ROBO1: variants seen among roughly 807,000 people sequenced by gnomAD.
ROBO1 encodes the protein roundabout guidance receptor 1.
ROBO1 carries 149 observed loss-of-function variants against 195.9 expected under a neutral mutation model. That is an observed-to-expected ratio of 0.76 (90% CI 0.67 to 0.87). The LOEUF is 0.87. Among genes scored for constraint, ROBO1 ranks in the 40% least tolerant of loss-of-function variants. The pLI is 0.00. For synonymous variants in ROBO1, 816 were observed against 733.2 expected (o/e 1.11, Z -1.82); for missense variants, 1,933 against 2,068.3 (o/e 0.93, Z 1.27).
chr3:79,566,540 G>T (rs1021882833), intron 2 of ROBO1, among the ~76,000 whole-genome samples: 6 of 152,050 alleles, frequency 3.9e-5, no homozygotes, highest in Non-Finnish European at 8.8e-5. Flanking sequence ...AAATATTGGT[G>T]CAAATAAGTG....
chr3:79,340,725 A>G (rs2109222105), intron 2 of ROBO1, among the ~76,000 whole-genome samples: 1 of 152,350 alleles, frequency 6.6e-6, no homozygotes, highest in South Asian at 2.1e-4. Flanking sequence ...GTTTTAAAAA[A>G]GCCAGCTCTT....
At chr3:79,125,635 T>C in intron 2 of ROBO1, 96 bp from the exon 3 acceptor site, 1 of 901,456 alleles carries the variant, frequency 1.1e-6, no homozygotes, top group Non-Finnish European at 1.8e-6. Context: ...TAAATCCACA[T>C]GTGACAGAAA....
At chr3:79,000,194 A>G (rs2108124749) in intron 3 of ROBO1, among the ~76,000 whole-genome samples, 1 of 152,246 alleles carries the variant, frequency 6.6e-6, no homozygotes, top group South Asian at 2.1e-4. Flanking sequence ...CATCCTTCAC[A>G]TGGCAGCAGC....
intron 2 of ROBO1, among the ~76,000 whole-genome samples, chr3:79,128,101 T>A (rs2080250904): frequency 1.3e-5 from 2 of 152,152 alleles, no homozygotes; most frequent in African/African-American, 4.8e-5. Flanking sequence ...CCAAAGACAT[T>A]TACTTAAATT....
intron 2 of ROBO1, among the ~76,000 whole-genome samples, chr3:79,502,116 C>T (rs759082806): frequency 6.6e-6 from 1 of 152,324 alleles, no homozygotes; most frequent in African/African-American, 2.4e-5. Context: ...AGCCCTCACT[C>T]GTTATCCGCG....
intron 4 of ROBO1, among the ~76,000 whole-genome samples, chr3:78,758,370 A>T (rs936102577): frequency 6.6e-6 from 1 of 151,782 alleles, no homozygotes; most frequent in Non-Finnish European, 1.5e-5. Flanking sequence ...AAATATATAT[A>T]AAAAAATAGC....
At chr3:78,664,190 G>A (rs541406362) in intron 14 of ROBO1, among the ~76,000 whole-genome samples, 4 of 152,252 alleles carry the variant, frequency 2.6e-5, no homozygotes, top group South Asian at 4.1e-4. Context: ...TGAAAGAAAC[G>A]TATGACAATG....
intron 2 of ROBO1, among the ~76,000 whole-genome samples, chr3:79,471,886 G>A (rs929884851): frequency 4.6e-5 from 7 of 150,838 alleles, no homozygotes; most frequent in Non-Finnish European, 1.0e-4. Flanking sequence ...GTTAAACAGT[G>A]AGAACATATG....
intron 8 of ROBO1, among the ~76,000 whole-genome samples, chr3:78,692,329 G>A (rs2081193638): frequency 6.6e-6 from 1 of 151,932 alleles, no homozygotes; most frequent in African/African-American, 2.4e-5. Context: ...GAGTGCAGTG[G>A]CACAATCATG....
intron 1 of ROBO1, among the ~76,000 whole-genome samples, chr3:79,725,865 G>A (rs932030955): frequency 2.6e-5 from 4 of 151,066 alleles, no homozygotes; most frequent in South Asian, 2.1e-4. Flanking sequence ...CTTTTGCCAC[G>A]TTAGTCATTA....
intron 2 of ROBO1, among the ~76,000 whole-genome samples, chr3:79,328,852 T>C (rs577350718): frequency 5.7e-4 from 87 of 152,218 alleles, no homozygotes; most frequent in Non-Finnish European, 9.0e-4. Flanking sequence ...CTAATGCCTT[T>C]GTGTCCTCAT....
intron 2 of ROBO1, among the ~76,000 whole-genome samples, chr3:79,388,148 A>G (rs1241714783): frequency 1.3e-5 from 2 of 152,180 alleles, no homozygotes; most frequent in Non-Finnish European, 2.9e-5. Flanking sequence ...TTCACAAAAT[A>G]TAATTGCTGC....
chr3:79,052,681 G>T (rs1450581830), intron 3 of ROBO1, among the ~76,000 whole-genome samples: 1 of 151,928 alleles, frequency 6.6e-6, no homozygotes, highest in Admixed American at 6.6e-5. Flanking sequence ...TTCTCAGACT[G>T]GCCAACACTT....
chr3:78,652,259 A>G (rs1318411657), intron 18 of ROBO1, among the ~76,000 whole-genome samples: 1 of 152,196 alleles, frequency 6.6e-6, no homozygotes. Context: ...TAACTGAGAA[A>G]AATACAAAAA....
intron 2 of ROBO1, among the ~76,000 whole-genome samples, chr3:79,457,199 G>C (rs1044611114): frequency 2.0e-5 from 3 of 152,126 alleles, no homozygotes; most frequent in Non-Finnish European, 4.4e-5. Context: ...ACAGTCATTA[G>C]TACAAACAAA....
intron 2 of ROBO1, among the ~76,000 whole-genome samples, chr3:79,213,178 G>A (rs1426368082): frequency 1.3e-5 from 2 of 151,924 alleles, no homozygotes; most frequent in Admixed American, 1.3e-4. Context: ...CTTGGAGGTG[G>A]AGGTTGCAGT....
chr3:79,000,067 G>T (rs1021385371), intron 3 of ROBO1, among the ~76,000 whole-genome samples: 2 of 151,996 alleles, frequency 1.3e-5, no homozygotes, highest in African/African-American at 4.8e-5. Context: ...ATGCTGCTAT[G>T]AAGACCTACC....
rs541478316 is a variant in ROBO1, at chr3:79,489,208, A to C, written c.88+100616T>G. ...TTAAGATAAAAAACTGGCAATTACA[A>C]TTGTGGAATTCGAAACTATTTAGCT... On this transcript the variant is annotated intron_variant, in intron 2 of 30. Coordinates refer to ENST00000464233, the MANE Select transcript of ROBO1 (RefSeq NM_002941.4). Among the ~76,000 whole-genome samples the C allele has an allele frequency of 5.5e-3, 829 of 152,098 alleles. 2 individuals are homozygous for C. The highest frequency in any genetic ancestry group is 0.018 in the African/African-American group (765 of 41,492).
chr3:79,063,241 C>T (rs896323814), intron 3 of ROBO1, among the ~76,000 whole-genome samples: 1 of 151,910 alleles, frequency 6.6e-6, no homozygotes, highest in African/African-American at 2.4e-5. Flanking sequence ...GACCCGTACT[C>T]TTGACCTCTA....
Sources: allele counts gnomAD v4.1 joint callset (sites outside exome capture counted in the v4.1 genomes callset), GRCh38; gene constraint gnomAD v4.1.1; transcripts MANE v1.5; gene names NCBI Gene and HGNC (gene_info 2026-07-23, HGNC 2026-07-21).